GRM7: variants seen among roughly 807,000 people sequenced by gnomAD.
GRM7 encodes glutamate metabotropic receptor 7, also known as metabotropic glutamate receptor 7.
Under a neutral mutation model 84.5 loss-of-function variants are expected in GRM7, and 35 were observed. That is an observed-to-expected ratio of 0.41 (90% CI 0.32 to 0.55). The LOEUF is 0.55. GRM7 is among the 20% of genes least tolerant of loss of function. The pLI is 0.19. For missense variants in GRM7, 1,003 were observed against 1,194.6 expected, an observed-to-expected ratio of 0.84 and a Z score of 2.36; for synonymous variants, 487 against 455.1, an observed-to-expected ratio of 1.07 and a Z score of -0.89.
intron 2 of GRM7, among the ~76,000 whole-genome samples, chr3:7,187,658 A>G (rs908490640): frequency 1.6e-4 from 21 of 134,266 alleles, no homozygotes; most frequent in Non-Finnish European, 2.1e-4. Flanking sequence ...AGTCATATTT[A>G]AACCCACTTT....
chr3:7,354,992 C>T (rs1470810824), intron 4 of GRM7, among the ~76,000 whole-genome samples: 3 of 152,154 alleles, frequency 2.0e-5, no homozygotes, highest in Non-Finnish European at 4.4e-5. Context: ...GATATCTCAA[C>T]AGTCTATTAC....
chr3:7,690,004 C>T (rs1028662027), intron 9 of GRM7, among the ~76,000 whole-genome samples: 3 of 152,112 alleles, frequency 2.0e-5, no homozygotes, highest in Non-Finnish European at 4.4e-5. Context: ...GACCATCACC[C>T]GGGATGTTTT....
At chr3:7,588,108 A>G (rs568393441) in intron 8 of GRM7, among the ~76,000 whole-genome samples, 4 of 152,102 alleles carry the variant, frequency 2.6e-5, no homozygotes, top group African/African-American at 7.2e-5. Context: ...AATCATAAGA[A>G]TTGTTGTTGA....
At chr3:7,580,430 A>C (rs1575519669) in intron 8 of GRM7, among the ~76,000 whole-genome samples, 2 of 152,200 alleles carry the variant, frequency 1.3e-5, no homozygotes, top group East Asian at 3.9e-4. Flanking sequence ...AATGGGAAAA[A>C]CAGGGATTGA....
At chr3:6,999,031 A>T (rs1032927416) in intron 1 of GRM7, among the ~76,000 whole-genome samples, 1 of 152,218 alleles carries the variant, frequency 6.6e-6, no homozygotes, top group Non-Finnish European at 1.5e-5. Context: ...TTCTCCCCAG[A>T]AAATGGGTTT....
intron 9 of GRM7, among the ~76,000 whole-genome samples, chr3:7,731,842 C>G (rs1702343478): frequency 6.6e-6 from 1 of 152,166 alleles, no homozygotes; most frequent in Admixed American, 6.5e-5. Context: ...TGGCCCCACC[C>G]AGAAGCAATT....
chr3:7,494,300 T>C (rs1699623496), intron 7 of GRM7, among the ~76,000 whole-genome samples: 1 of 152,198 alleles, frequency 6.6e-6, no homozygotes, highest in Non-Finnish European at 1.5e-5. Flanking sequence ...GTGTTGTCCT[T>C]CTAGCCTGTG....
At chr3:7,430,660 C>T (rs1696789937) in intron 5 of GRM7, among the ~76,000 whole-genome samples, 1 of 152,204 alleles carries the variant, frequency 6.6e-6, no homozygotes, top group South Asian at 2.1e-4. Context: ...CAGAAATGTT[C>T]ACATCGGCTT....
At chr3:7,472,838 C>A (rs892689151) in intron 7 of GRM7, among the ~76,000 whole-genome samples, 10 of 152,172 alleles carry the variant, frequency 6.6e-5, no homozygotes, top group African/African-American at 2.4e-4. Context: ...AATCCCCCTA[C>A]CCCCACTTAT....
Position 7,438,399 on chromosome 3 carries a change from G to A in GRM7, c.1175-14208G>A, listed in dbSNP as rs536753702. Among the ~76,000 whole-genome samples the A allele has an allele frequency of 5.1e-4, 78 of 152,034 alleles. 2 individuals are homozygous for A. The South Asian group carries it at 0.013, about 24-fold the overall frequency. On this transcript the variant is annotated intron_variant, in intron 5 of 9. Coordinates refer to ENST00000357716, the MANE Select transcript of GRM7 (RefSeq NM_000844.4). The stretch of plus-strand genomic sequence containing the variant: ...CAATCATGACACCCCCATTTCTGGC[G>A]TACACAGCTGAATGTATCAGTGAGA...
chr3:7,564,980 C>T (rs893196686), intron 7 of GRM7, among the ~76,000 whole-genome samples: 1 of 152,200 alleles, frequency 6.6e-6, no homozygotes, highest in African/African-American at 2.4e-5. Context: ...TCTCCCGTCT[C>T]ATAATGTGCT....
At chr3:7,068,660 G>C (rs1378738066) in intron 1 of GRM7, among the ~76,000 whole-genome samples, 1 of 151,840 alleles carries the variant, frequency 6.6e-6, no homozygotes, top group Non-Finnish European at 1.5e-5. Flanking sequence ...AGTTGAATAG[G>C]GTTTTCATGT....
intron 2 of GRM7, among the ~76,000 whole-genome samples, chr3:7,219,415 A>G (rs1696724639): frequency 6.6e-6 from 1 of 152,174 alleles, no homozygotes; most frequent in African/African-American, 2.4e-5. Flanking sequence ...GACTTTTCAT[A>G]CACATTACTA....
chr3:7,295,748 C>T (rs1242494567), intron 2 of GRM7, among the ~76,000 whole-genome samples: 3 of 151,630 alleles, frequency 2.0e-5, no homozygotes. Context: ...TTCCTATGAT[C>T]GACTATTGTT....
chr3:7,048,870 C>A (rs1696891473), intron 1 of GRM7, among the ~76,000 whole-genome samples: 1 of 151,884 alleles, frequency 6.6e-6, no homozygotes, highest in Non-Finnish European at 1.5e-5. Context: ...CTTCCTCACC[C>A]CCGGTAACCA....
chr3:6,873,277 T>G (rs1695191244), intron 1 of GRM7, among the ~76,000 whole-genome samples: 2 of 152,206 alleles, frequency 1.3e-5, no homozygotes, highest in Admixed American at 6.5e-5. Context: ...TTCACCATAC[T>G]GGCCAGGCTG....
chr3:7,699,529 T>A (rs1701148202), intron 9 of GRM7, among the ~76,000 whole-genome samples: 1 of 152,222 alleles, frequency 6.6e-6, no homozygotes. Context: ...ATGGTTCGAA[T>A]GGATCTAATT....
At chr3:7,523,866 A>G (rs919787948) in intron 7 of GRM7, among the ~76,000 whole-genome samples, 3 of 152,136 alleles carry the variant, frequency 2.0e-5, no homozygotes, top group Non-Finnish European at 2.9e-5. Flanking sequence ...TGAGAAAAAT[A>G]GAGGACTTTA....
intron 1 of GRM7, among the ~76,000 whole-genome samples, chr3:7,106,045 T>C (rs1692624186): frequency 6.6e-6 from 1 of 151,948 alleles, no homozygotes; most frequent in Non-Finnish European, 1.5e-5. Context: ...TGGGGGTACA[T>C]AGACTTTATT....
Sources: allele counts gnomAD v4.1 joint callset (sites outside exome capture counted in the v4.1 genomes callset), GRCh38; gene constraint gnomAD v4.1.1; transcripts MANE v1.5; gene names NCBI Gene and HGNC (gene_info 2026-07-23, HGNC 2026-07-21).